The following HECTD4 variants were observed in gnomAD, a reference collection of about 807,000 sequenced individuals.
HECTD4 encodes HECT domain E3 ubiquitin protein ligase 4, also known as probable E3 ubiquitin-protein ligase HECTD4.
In HECTD4, 114 loss-of-function variants were observed where a neutral mutation model predicts 471.5. The ratio of observed to expected loss-of-function variants is 0.24; its 90% CI spans 0.21 to 0.28. The LOEUF (loss-of-function observed/expected upper bound fraction) is 0.28. Ranked by LOEUF, HECTD4 falls within the 10% of genes least tolerant of loss-of-function variation. The pLI is 1.00. For synonymous variants in HECTD4, 2,012 were observed against 2,256.0 expected, an observed-to-expected ratio of 0.89 and a Z score of 3.07; for missense variants, 3,866 against 5,651.5, an observed-to-expected ratio of 0.68 and a Z score of 10.13.
chr12:112,222,454 G>A (rs890742422), intron 44 of HECTD4, among the ~76,000 whole-genome samples: 1 of 152,152 alleles, frequency 6.6e-6, no homozygotes, highest in Non-Finnish European at 1.5e-5. Context: ...ATCACTTGAG[G>A]TCAGGAGTTT....
Position 112,267,683 on chromosome 12 carries a change from C to T in HECTD4, c.2322-701G>A, listed in dbSNP as rs1215855179. Among the ~76,000 whole-genome samples the T allele has an allele frequency of 2.0e-5, 3 of 152,200 alleles. No homozygotes were observed. In the South Asian group the frequency reaches 6.2e-4, roughly 32 times the overall value. Reference sequence around the variant, plus strand: ...TCAAGCCTACATATAACTATTGTGCCTCCCCAAAAAAACACTTGAGAAAGT... The same window carrying T: ...TCAAGCCTACATATAACTATTGTGCTTCCCCAAAAAAACACTTGAGAAAGT... On this transcript the variant is annotated intron_variant, in intron 13 of 75. Coordinates refer to ENST00000682272, the MANE Select transcript of HECTD4 (RefSeq NM_001388303.1).
At chr12:112,311,041 C>A (rs943429165) in intron 4 of HECTD4, among the ~76,000 whole-genome samples, 2 of 152,090 alleles carry the variant, frequency 1.3e-5, no homozygotes, top group African/African-American at 2.4e-5. Context: ...GCGGGCAGAT[C>A]ACCTGAGGTC....
intron 1 of HECTD4, among the ~76,000 whole-genome samples, chr12:112,357,339 TGAG>T (rs1384225020): frequency 6.6e-6 from 1 of 151,800 alleles, no homozygotes; most frequent in Non-Finnish European, 1.5e-5. Flanking sequence ...ACACGGACAG[TGAG>T]GAGATGTAGC....
intron 55 of HECTD4, among the ~76,000 whole-genome samples, chr12:112,200,311 G>A (rs1232106222): frequency 6.6e-6 from 1 of 152,082 alleles, no homozygotes; most frequent in Admixed American, 6.6e-5. Flanking sequence ...CCATCACCAA[G>A]ATCGGCTAAT....
chr12:112,309,678 G>GT lies in HECTD4; in HGVS notation c.917-10dup. 2 of 1,360,500 alleles carry GT rather than the reference G, an allele frequency of 1.5e-6. No individual in the cohort carries two copies. Among genetic ancestry groups the GT allele is most frequent in the Non-Finnish European group, 2.0e-6 (2 of 995,210 alleles). 84.3% of individuals were successfully genotyped at this position (1,360,500 alleles called of 1,614,324 possible). A position where few individuals can be genotyped will look rare whatever the true frequency, so the allele number is the denominator to read the frequency against. On this transcript the variant is annotated splice_polypyrimidine_tract_variant and intron_variant, in intron 4 of 75. Transcript: ENST00000682272. ...GCGTCCCAAGTCAGCATCTGAAATCGTTTTTTCACAGGTAAATTATATATA... is the reference window on the plus strand; with the variant it reads ...GCGTCCCAAGTCAGCATCTGAAATCGTTTTTTTCACAGGTAAATTATATATA...
chr12:112,170,226 G>A (rs2031159085), intron 69 of HECTD4, 107 bp downstream of exon 69: 2 of 1,450,274 alleles, frequency 1.4e-6, no homozygotes, highest in East Asian at 2.5e-5. Context: ...AACGACAGGA[G>A]GAACCGCTGC....
Position 112,319,167 on chromosome 12 carries a change from C to A in HECTD4, c.695+58G>T. 6.6e-7 allele frequency: 1 copy of A among 1,505,850 alleles called. No homozygotes were observed. The allele number at this position is 1,505,850 out of a possible 1,614,324, so 93.3% of individuals were successfully genotyped here. ...ATATACTTGGCCTCTTCTTCATTCA[C>A]CCAACCCAGGTGGCAGTAGTCACAA... On this transcript the variant is annotated intron_variant, in intron 2 of 75. Coordinates refer to ENST00000682272, the MANE Select transcript of HECTD4 (RefSeq NM_001388303.1). This position sits in a 1 kb window ranked among gnomAD's most constrained non-coding sequence, Gnocchi z 5.3.
intron 39 of HECTD4, 106 bp downstream of exon 39, chr12:112,231,407 T>C (rs2033375884): frequency 1.8e-6 from 2 of 1,102,678 alleles, no homozygotes; most frequent in Admixed American, 1.9e-5. Flanking sequence ...GCGGCCTCAT[T>C]TCCAAGAGGT....
chr12:112,269,931 A>C (rs2034378272), intron 12 of HECTD4, 82 bp from the exon 13 acceptor site: 1 of 1,214,516 alleles, frequency 8.2e-7, no homozygotes, highest in Non-Finnish European at 1.2e-6. Flanking sequence ...TACATGGTAG[A>C]TATCCTATGA....
At chr12:112,216,431 A>C in intron 47 of HECTD4, 60 bp from the exon 48 acceptor site, 1 of 1,156,212 alleles carries the variant, frequency 8.6e-7, no homozygotes, top group Non-Finnish European at 1.3e-6. Flanking sequence ...ACTGGCCAAC[A>C]CACAAACAGG....
chr12:112,257,337 T>G (rs1566089610), intron 20 of HECTD4, among the ~76,000 whole-genome samples: 1 of 152,156 alleles, frequency 6.6e-6, no homozygotes, highest in Non-Finnish European at 1.5e-5. Context: ...CAGATAGAAG[T>G]TTTCATCACT....
intron 25 of HECTD4, chr12:112,249,853 T>G: frequency 2.5e-6 from 1 of 403,702 alleles, no homozygotes; most frequent in Non-Finnish European, 4.6e-6. Context: ...GGGAAACTTG[T>G]TAAGCTGCGC....
At chr12:112,278,901 G>C (rs1312949989) in intron 9 of HECTD4, among the ~76,000 whole-genome samples, 1 of 152,112 alleles carries the variant, frequency 6.6e-6, no homozygotes, top group Non-Finnish European at 1.5e-5. Flanking sequence ...TAAAAAAAAA[G>C]AAATTCTATC....
intron 1 of HECTD4, among the ~76,000 whole-genome samples, chr12:112,324,783 T>C (rs1032165340): frequency 6.6e-6 from 1 of 152,182 alleles, no homozygotes; most frequent in African/African-American, 2.4e-5. Flanking sequence ...AATTTTAACT[T>C]TGATCATCTT....
intron 54 of HECTD4, chr12:112,202,985 C>G (rs2032471551): frequency 6.6e-6 from 1 of 152,080 alleles, no homozygotes; most frequent in Non-Finnish European, 1.5e-5. Flanking sequence ...GGGACTCACT[C>G]TGTTGCCCAG....
chr12:112,364,932 CT>C (rs1427170927), intron 1 of HECTD4, among the ~76,000 whole-genome samples: 1 of 152,102 alleles, frequency 6.6e-6, no homozygotes, highest in Non-Finnish European at 1.5e-5. Context: ...GGCATAAGAT[CT>C]TGTCACAACT....
chr12:112,233,429 C>G (rs1336621520), intron 37 of HECTD4, among the ~76,000 whole-genome samples: 1 of 151,604 alleles, frequency 6.6e-6, no homozygotes. Flanking sequence ...CACTATGTTG[C>G]CCAGGCTGGT....
At chr12:112,256,811 C>T (rs1253162791) in intron 20 of HECTD4, 1 of 187,224 alleles carries the variant, frequency 5.3e-6, no homozygotes, top group Non-Finnish European at 1.1e-5. Flanking sequence ...GGGCGAAGCC[C>T]AGTTGATATC....
chr12:112,164,295 C>A lies in HECTD4; in HGVS notation c.12535-20G>T. 1 of 1,603,388 alleles carries A rather than the reference C, an allele frequency of 6.2e-7. No individual in the cohort carries two copies. ...ATTGATCTGGAGGGTGGAGGCAGAGCGAGGCTCATTATGAGGCCATGGGAG... is the reference window on the plus strand; with the variant it reads ...ATTGATCTGGAGGGTGGAGGCAGAGAGAGGCTCATTATGAGGCCATGGGAG... On this transcript the variant is annotated intron_variant, in intron 72 of 75. Transcript: ENST00000682272.
Sources: gnomAD v4.1 joint callset for allele counts (sites outside exome capture counted in the v4.1 genomes callset) on GRCh38, gnomAD v4.1.1 for gene constraint, Gnocchi (gnomAD v3.1) non-coding constraint, MANE v1.5 for transcripts, NCBI Gene and HGNC (gene_info 2026-07-23, HGNC 2026-07-21) for gene names.